Variants in SIPA1L2 observed in about 807,000 individuals in gnomAD.
SIPA1L2 encodes the protein signal-induced proliferation-associated 1-like protein 2.
SIPA1L2 carries 56 observed loss-of-function variants against 163.9 expected under a neutral mutation model. The observed-to-expected ratio is 0.34, with a 90% CI of 0.28 to 0.43. The LOEUF (loss-of-function observed/expected upper bound fraction) is 0.43. Ranked by LOEUF, SIPA1L2 falls within the 20% of genes least tolerant of loss-of-function variation. The pLI is 1.00. For missense variants in SIPA1L2, 1,974 were observed against 2,193.5 expected, an observed-to-expected ratio of 0.90 and a Z score of 2.00; for synonymous variants, 877 against 865.7, an observed-to-expected ratio of 1.01 and a Z score of -0.23.
intron 1 of SIPA1L2, among the ~76,000 whole-genome samples, chr1:232,620,317 T>C (rs1662735548): frequency 6.6e-6 from 1 of 152,208 alleles, no homozygotes; most frequent in Non-Finnish European, 1.5e-5. Flanking sequence ...AGAACCCTGT[T>C]CCATGAAGGT....
chr1:232,613,466 T>C lies in SIPA1L2; in HGVS notation c.-319+16403A>G, dbSNP rs182078488. 3.3e-5 allele frequency among the ~76,000 whole-genome samples: 5 copies of C among 152,344 alleles called. No individual in the cohort carries two copies. The East Asian group carries it at 7.7e-4, about 24-fold the overall frequency. ...TTTAGCAAACCACCCACTTTTATTA[T>C]GGAGTCAAGGGAACCTTCTCCAGGT... On this transcript the variant is annotated intron_variant, in intron 1 of 22. Transcript: ENST00000674635.
chr1:232,536,231 C>T (rs1270070587), intron 2 of SIPA1L2, among the ~76,000 whole-genome samples: 4 of 152,216 alleles, frequency 2.6e-5, no homozygotes, highest in Admixed American at 6.5e-5. Context: ...CATCTCTCGC[C>T]TCTCTCCCGA....
chr1:232,425,894 C>T, intron 17 of SIPA1L2, 86 bp from the exon 18 acceptor site: 1 of 1,193,134 alleles, frequency 8.4e-7, no homozygotes, highest in Non-Finnish European at 1.2e-6. Flanking sequence ...AGTGGTTTCA[C>T]ATACTATTGT....
At chr1:232,587,961 C>T (rs1476016813) in intron 1 of SIPA1L2, among the ~76,000 whole-genome samples, 1 of 152,216 alleles carries the variant, frequency 6.6e-6, no homozygotes, top group Non-Finnish European at 1.5e-5. Context: ...GAGGCCTCCC[C>T]AGCCATGTGG....
intron 3 of SIPA1L2, among the ~76,000 whole-genome samples, chr1:232,508,716 T>A (rs1278903847): frequency 6.6e-6 from 1 of 152,218 alleles, no homozygotes; most frequent in Admixed American, 6.5e-5. Flanking sequence ...ACGGCACCAA[T>A]GTGTCTTCAT....
chr1:232,603,788 C>T (rs1369946476), intron 1 of SIPA1L2, among the ~76,000 whole-genome samples: 2 of 152,118 alleles, frequency 1.3e-5, no homozygotes, highest in East Asian at 1.9e-4. Context: ...AGGCCCTGCT[C>T]TAACACCAGC....
At chr1:232,400,211 A>C (rs1660254704) in intron 22 of SIPA1L2, among the ~76,000 whole-genome samples, 1 of 151,942 alleles carries the variant, frequency 6.6e-6, no homozygotes, top group Admixed American at 6.6e-5. Context: ...TCACTCTAAG[A>C]AGCAGCTGCA....
chr1:232,430,233 A>G (rs903631152), intron 16 of SIPA1L2, among the ~76,000 whole-genome samples: 1 of 152,200 alleles, frequency 6.6e-6, no homozygotes, highest in African/African-American at 2.4e-5. Flanking sequence ...GGAAGTACTG[A>G]GCTAGCGGGT....
In SIPA1L2 at chr1:232,574,210, G is replaced by A. The variant is rs186479820; in HGVS notation, c.-306C>T. Among the ~76,000 whole-genome samples the A allele has an allele frequency of 2.0e-4, 31 of 152,340 alleles. No homozygotes were observed. The highest frequency in any genetic ancestry group is 3.4e-3 in the Middle Eastern group (1 of 294). On this transcript the variant is annotated 5_prime_UTR_variant, in exon 2 of 23. Coordinates refer to ENST00000674635, the MANE Select transcript of SIPA1L2 (RefSeq NM_020808.5). ...AGAGCAGCGGGCTCCTGCTCACACA[G>A]CCTGGCAAGAACCTACAAATGAAGA...
At chr1:232,568,546 G>GA (rs952830605) in intron 2 of SIPA1L2, among the ~76,000 whole-genome samples, 56 of 152,100 alleles carry the variant, frequency 3.7e-4, no homozygotes, top group African/African-American at 1.3e-3. Flanking sequence ...AGGTGCTGCA[G>GA]AAAAAAAGAG....
intron 1 of SIPA1L2, among the ~76,000 whole-genome samples, chr1:232,607,973 C>G (rs563907988): frequency 6.9e-6 from 1 of 145,214 alleles, no homozygotes; most frequent in South Asian, 2.2e-4. Flanking sequence ...GAAAATCACT[C>G]GAACTGGGGA....
intron 10 of SIPA1L2, 133 bp from the exon 11 acceptor site, chr1:232,445,919 G>T: frequency 1.1e-6 from 1 of 874,660 alleles, no homozygotes; most frequent in Non-Finnish European, 1.8e-6. Flanking sequence ...ATGATGCAGA[G>T]CGATCCACCC....
intron 13 of SIPA1L2, among the ~76,000 whole-genome samples, 153 bp downstream of exon 13, chr1:232,441,615 C>A (rs2102862161): frequency 6.6e-6 from 1 of 152,272 alleles, no homozygotes; most frequent in African/African-American, 2.4e-5. Context: ...CATGACCACA[C>A]CCCCTCCTGC....
At chr1:232,502,001 T>C in intron 3 of SIPA1L2, among the ~76,000 whole-genome samples, 1 of 152,232 alleles carries the variant, frequency 6.6e-6, no homozygotes, top group Non-Finnish European at 1.5e-5. Context: ...TTTTTATTGG[T>C]ATTCTGGAAG....
Position 232,515,168 on chromosome 1 carries a change from C to T in SIPA1L2, c.172G>A (p.Glu58Lys). The change falls in exon 3 of 23, where the codon GAG becomes AAG. Residue 58 changes from glutamate to lysine, a missense_variant. Coordinates refer to ENST00000674635, the MANE Select transcript of SIPA1L2 (RefSeq NM_020808.5). ...TTAGCCGGACCACCACCGCCAGTCT[C>T]ATTGGAATTCGAGGCATTTAAAGAA... ...TTSLNASNSN[E>K]TGGGGPANGT... 2 of 1,614,212 alleles carry T rather than the reference C, an allele frequency of 1.2e-6. No homozygotes were observed. The highest frequency in any genetic ancestry group is 1.6e-4 in the Middle Eastern group (1 of 6,062).
chr1:232,484,482 T>G (rs1665545615), intron 5 of SIPA1L2, among the ~76,000 whole-genome samples: 1 of 152,234 alleles, frequency 6.6e-6, no homozygotes, highest in Non-Finnish European at 1.5e-5. Context: ...AAGGGTAGGA[T>G]TCCAATGGAA....
intron 10 of SIPA1L2, among the ~76,000 whole-genome samples, chr1:232,460,343 G>C (rs1467444332): frequency 1.3e-5 from 2 of 152,086 alleles, no homozygotes; most frequent in African/African-American, 2.4e-5. Flanking sequence ...GACAGTTTAT[G>C]ATAACGCCCT....
intron 2 of SIPA1L2, among the ~76,000 whole-genome samples, chr1:232,559,153 G>A (rs1658893747): frequency 6.6e-6 from 1 of 152,182 alleles, no homozygotes; most frequent in East Asian, 1.9e-4. Flanking sequence ...CAGGAAGCCA[G>A]AGCTCAGCTT....
chr1:232,582,862 C>G (rs1232797204), intron 1 of SIPA1L2, among the ~76,000 whole-genome samples: 1 of 152,174 alleles, frequency 6.6e-6, no homozygotes, highest in Non-Finnish European at 1.5e-5. Flanking sequence ...GGGATAGCCT[C>G]CATGTGGTGT....
Sources: gnomAD v4.1 joint callset for allele counts (sites outside exome capture counted in the v4.1 genomes callset) on GRCh38, gnomAD v4.1.1 for gene constraint, MANE v1.5 for transcripts, NCBI Gene and HGNC (gene_info 2026-07-23, HGNC 2026-07-21) for gene names.